The following RINT1 variants were observed in gnomAD, a reference collection of about 807,000 sequenced individuals.
RINT1 encodes the protein RAD50 interactor 1, also known as RAD50-interacting protein 1.
In RINT1, 75 loss-of-function variants were observed where a neutral mutation model predicts 97.7. The ratio of observed to expected loss-of-function variants is 0.77; its 90% confidence interval spans 0.64 to 0.93. RINT1 has a LOEUF of 0.93. RINT1 is among the 40% of genes least tolerant of loss of function. The pLI is 0.00. For synonymous variants in RINT1, 303 were observed against 326.3 expected (o/e 0.93, Z 0.77); for missense variants, 892 against 925.2 (o/e 0.96, Z 0.47).
chr7:105,535,626 C>T (rs762207507), intron 2 of RINT1: 19 of 451,944 alleles, frequency 4.2e-5, no homozygotes, highest in South Asian at 3.0e-4. Flanking sequence ...GATCATGGCT[C>T]ACTGCAGCCT....
intron 1 of RINT1, 92 bp from the exon 2 acceptor site, chr7:105,532,732 C>A: frequency 7.4e-7 from 1 of 1,348,032 alleles, no homozygotes; most frequent in South Asian, 1.2e-5. Context: ...TGGAACCTCT[C>A]TTGCCTCCAG....
At chr7:105,558,041 G>A (rs1274910929) in intron 11 of RINT1, among the ~76,000 whole-genome samples, 2 of 152,154 alleles carry the variant, frequency 1.3e-5, no homozygotes, top group Non-Finnish European at 2.9e-5. Flanking sequence ...CAGTCTGGGT[G>A]TGGTGGCTCA....
chr7:105,542,360 C>A, intron 3 of RINT1, 48 bp from the exon 4 acceptor site: 1 of 1,420,442 alleles, frequency 7.0e-7, no homozygotes, highest in South Asian at 1.3e-5. Context: ...AAAATTTTAT[C>A]TGATTGCTGC....
chr7:105,565,400 A>C lies in RINT1; in HGVS notation c.2010A>C (p.Leu670Phe), dbSNP rs764689459. The C allele has an allele frequency of 6.2e-7, 1 of 1,614,170 alleles. No individual in the cohort carries two copies. The highest frequency in any genetic ancestry group is 1.1e-5 in the South Asian group (1 of 91,088). The change falls in exon 13 of 15, where the codon TTA becomes TTC. Residue 670 changes from leucine to phenylalanine, a missense_variant. Physicochemically the swap from Leu to Phe is conservative, Grantham distance 22. Transcript: ENST00000257700. ...TGGAGCAGCAGCTTTGTTTCTCCTT[A>C]TTTAAAATTTTCTGGCAAATGCTTG... is the stretch of plus-strand genomic sequence containing the variant. ...LQLEQQLCFS[L>F]FKIFWQMLVE... is the part of the protein sequence containing the mutation.
At chr7:105,543,744 G>A (rs1026446075) in intron 4 of RINT1, among the ~76,000 whole-genome samples, 1 of 151,862 alleles carries the variant, frequency 6.6e-6, no homozygotes, top group Non-Finnish European at 1.5e-5. Context: ...TCTTTTTCTT[G>A]CATATATTTC....
chr7:105,561,044 G>A (rs1202597700), intron 11 of RINT1, among the ~76,000 whole-genome samples: 2 of 150,806 alleles, frequency 1.3e-5, no homozygotes, highest in African/African-American at 4.9e-5. Context: ...AATGTTTGAT[G>A]ACCTTAATAA....
chr7:105,535,526 C>A (rs191046497), intron 2 of RINT1: 82 of 447,708 alleles, frequency 1.8e-4, no homozygotes, highest in Admixed American at 1.3e-3. Flanking sequence ...CCTCGCCCAG[C>A]CAAACCTTTT....
rs1302571945 is a variant in RINT1 at position 105,563,541 on chromosome 7, A to G, written c.1672-192A>G. Among the ~76,000 whole-genome samples, 6 of 152,244 alleles carry G rather than the reference A, an allele frequency of 3.9e-5. No homozygotes were observed. The East Asian group carries it at 1.2e-3, about 29-fold the overall frequency. On this transcript the variant is annotated intron_variant, in intron 11 of 14. Coordinates refer to ENST00000257700, the MANE Select transcript of RINT1 (RefSeq NM_021930.6). ...GAGTTGGAGTTTCACCATGTTGGCC[A>G]GGATGGTTTCGAACTCCTGACCTCA... is the stretch of plus-strand genomic sequence containing the variant.
rs1367657451 is a variant in RINT1, at chr7:105,547,079, A to G, written c.685A>G (p.Thr229Ala). ...FWHKILKDKL[T>A]SDFEEILAQL... ...GCATAAAATTCTCAAGGACAAGCTTACAAGGTAGGGAATTTACCCATATTT... is the reference window on the plus strand; with the variant it reads ...GCATAAAATTCTCAAGGACAAGCTTGCAAGGTAGGGAATTTACCCATATTT... The change falls in exon 5 of 15, where the codon ACA becomes GCA. Residue 229 changes from threonine to alanine, a missense_variant. Thr to Ala is a moderately conservative substitution (Grantham distance 58, BLOSUM62 0). Transcript: ENST00000257700. 1.9e-6 allele frequency: 3 copies of G among 1,613,814 alleles called. No individual in the cohort carries two copies. The highest frequency in any genetic ancestry group is 1.7e-5 in the Admixed American group (1 of 59,968).
chr7:105,532,247 G>C lies in RINT1; in HGVS notation c.-69G>C, dbSNP rs770399483. The C allele has an allele frequency of 1.1e-4, 163 of 1,511,316 alleles. No individual in the cohort carries two copies. Among genetic ancestry groups the C allele is most frequent in the Admixed American group, 2.2e-4 (11 of 50,344 alleles). 93.6% of individuals were successfully genotyped at this position (1,511,316 alleles called of 1,614,324 possible). ...TCCGAGGCTGGGTAGTGAGTGTGTC[G>C]CTGGCCTTAGCCAGACTCCACAGGC... On this transcript the variant is annotated 5_prime_UTR_variant, in exon 1 of 15. Transcript: ENST00000257700.
chr7:105,558,055 C>G (rs1791262002), intron 11 of RINT1, among the ~76,000 whole-genome samples: 1 of 152,136 alleles, frequency 6.6e-6, no homozygotes, highest in Non-Finnish European at 1.5e-5. Context: ...TGGCTCATGC[C>G]TGTAATCCCA....
intron 11 of RINT1, among the ~76,000 whole-genome samples, chr7:105,558,239 G>A (rs950838308): frequency 2.0e-5 from 3 of 149,572 alleles, no homozygotes; most frequent in African/African-American, 7.4e-5. Context: ...AGGTTGCAGT[G>A]AGCTGAGAAT....
chr7:105,551,694 C>T lies in RINT1; in HGVS notation c.1458C>T (p.Leu486=), dbSNP rs544265915. Residue 486 remains leucine (L), a synonymous_variant, in exon 10 of 15, where the codon CTC becomes CTT. Coordinates refer to ENST00000257700, the MANE Select transcript of RINT1 (RefSeq NM_021930.6). Reference sequence around the variant, plus strand: ...GTGCAGAAACTTTTATGACTCTACTCTTGGTTATAACTGGTAAGTATGTCT... The same window carrying T: ...GTGCAGAAACTTTTATGACTCTACTTTTGGTTATAACTGGTAAGTATGTCT... ...PDCAETFMTL[L]LVITDRYKNL... 1 of 1,604,206 alleles carries T rather than the reference C, an allele frequency of 6.2e-7. No individual in the cohort carries two copies. The highest frequency in any genetic ancestry group is 2.2e-5 in the East Asian group (1 of 44,644).
At position 105,542,532 on chromosome 7, in the gene RINT1, G is replaced by A. The variant is rs1488476155; in HGVS notation, c.398G>A (p.Ser133Asn). ...ACTCATCTCTTCAGCGCCATTAACAGCCATTTGCTGACTGCGCAACCTTGG... is the reference window on the plus strand; with the variant it reads ...ACTCATCTCTTCAGCGCCATTAACAACCATTTGCTGACTGCGCAACCTTGG... ...QETHLFSAIN[S>N]HLLTAQPWMD... Residue 133 changes from serine (S) to asparagine (N), a missense_variant, in exon 4 of 15, where the codon AGC (serine) becomes AAC (asparagine). Ser to Asn is a conservative substitution (Grantham distance 46). Coordinates refer to ENST00000257700, the MANE Select transcript of RINT1 (RefSeq NM_021930.6). The A allele has an allele frequency of 5.6e-6, 9 of 1,614,142 alleles. No individual in the cohort carries two copies. Among genetic ancestry groups the A allele is most frequent in the African/African-American group, 2.7e-5 (2 of 75,042 alleles).
intron 11 of RINT1, among the ~76,000 whole-genome samples, chr7:105,556,490 A>G (rs964346042): frequency 6.6e-6 from 1 of 151,912 alleles, no homozygotes; most frequent in African/African-American, 2.4e-5. Flanking sequence ...AGAGATATAT[A>G]TTAGTATTTA....
chr7:105,549,875 A>G (rs1790852881), intron 7 of RINT1, among the ~76,000 whole-genome samples, 180 bp from the exon 8 acceptor site: 1 of 152,168 alleles, frequency 6.6e-6, no homozygotes, highest in Non-Finnish European at 1.5e-5. Context: ...ACATTAGCAA[A>G]CATTTGATTA....
chr7:105,564,582 C>T (rs1006008638), intron 12 of RINT1, among the ~76,000 whole-genome samples: 46 of 152,270 alleles, frequency 3.0e-4, no homozygotes, highest in African/African-American at 1.1e-3. Flanking sequence ...TACTTTCATC[C>T]TTGATAGCAA....
intron 6 of RINT1, among the ~76,000 whole-genome samples, chr7:105,548,194 A>G (rs1437220466): frequency 6.6e-6 from 1 of 151,692 alleles, no homozygotes; most frequent in Non-Finnish European, 1.5e-5. Flanking sequence ...TGCCCCGCTA[A>G]TTTTTGTTGT....
Position 105,563,708 on chromosome 7 carries a change from T to C in RINT1, c.1672-25T>C, listed in dbSNP as rs1306181284. ...AACTGTTAAAAAAAAAGTATGCTAA[T>C]GTGTTAACATGTTTTTGCTTTCAGT... On this transcript the variant is annotated intron_variant, in intron 11 of 14. Transcript: ENST00000257700. 2.6e-6 allele frequency: 4 copies of C among 1,557,598 alleles called. No individual in the cohort carries two copies. The East Asian group carries it at 6.7e-5, about 26-fold the overall frequency.
Sources: gnomAD v4.1 joint callset for allele counts (sites outside exome capture counted in the v4.1 genomes callset) on GRCh38, gnomAD v4.1.1 for gene constraint, MANE v1.5 for transcripts, NCBI Gene and HGNC (gene_info 2026-07-23, HGNC 2026-07-21) for gene names.